MACROD2: variants seen among roughly 807,000 people sequenced by gnomAD.
The protein encoded by MACROD2 is mono-ADP ribosylhydrolase 2.
In MACROD2, 36 loss-of-function variants were observed where a neutral mutation model predicts 70.4. The observed-to-expected ratio is 0.51, with a 90% confidence interval of 0.39 to 0.68. The LOEUF is 0.68. Among genes scored for constraint, MACROD2 ranks in the 30% least tolerant of loss-of-function variants. MACROD2 has a pLI of 0.00. For missense variants in MACROD2, 496 were observed against 538.4 expected (o/e 0.92, Z 0.78); for synonymous variants, 172 against 178.8 (o/e 0.96, Z 0.30).
In MACROD2 at chr20:15,874,553, T is replaced by A. The variant is rs895685218; in HGVS notation, c.728-11211T>A. ...CCAACAGTGTAAAAGCGTTCCTATTTCTCCACATCCTCTCCAGCGTCTGTT... is the reference window on the plus strand; with the variant it reads ...CCAACAGTGTAAAAGCGTTCCTATTACTCCACATCCTCTCCAGCGTCTGTT... On this transcript the variant is annotated intron_variant, in intron 9 of 17. Transcript: ENST00000684519. 2.0e-5 allele frequency among the ~76,000 whole-genome samples: 3 copies of A among 152,252 alleles called. No individual in the cohort carries two copies. The East Asian group carries it at 5.8e-4, about 29-fold the overall frequency.
chr20:14,801,752 A>G (rs1159639837), intron 5 of MACROD2, among the ~76,000 whole-genome samples: 1 of 152,026 alleles, frequency 6.6e-6, no homozygotes, highest in Non-Finnish European at 1.5e-5. Context: ...ATGATCTCTA[A>G]TAGCCATTCC....
rs889966745 is a variant in MACROD2, at chr20:16,040,241, A to G, written c.1154-960A>G. Among the ~76,000 whole-genome samples the G allele has an allele frequency of 1.2e-3, 178 of 151,978 alleles. 1 individual carries two copies. Among genetic ancestry groups the G allele is most frequent in the African/African-American group, 4.0e-3 (165 of 41,482 alleles). ...CACCATTACCAAGAGTACAAATTCTACCTCTGAAGATCTCTTCCTTTGTAG... is the reference window on the plus strand; with the variant it reads ...CACCATTACCAAGAGTACAAATTCTGCCTCTGAAGATCTCTTCCTTTGTAG... On this transcript the variant is annotated intron_variant, in intron 15 of 17. Coordinates refer to ENST00000684519, the MANE Select transcript of MACROD2 (RefSeq NM_001351661.2).
In MACROD2 at chr20:15,731,313, T is replaced by G. The variant is rs1468407071; in HGVS notation, c.646-131432T>G. On this transcript the variant is annotated intron_variant, in intron 8 of 17. Coordinates refer to ENST00000684519, the MANE Select transcript of MACROD2 (RefSeq NM_001351661.2). Reference sequence around the variant, plus strand: ...TTCTTTCTCATGTGTGTGAGCTTATTTTCCTTAAATCTTTGAAATTTCTGT... The same window carrying G: ...TTCTTTCTCATGTGTGTGAGCTTATGTTCCTTAAATCTTTGAAATTTCTGT... 3.4e-5 allele frequency among the ~76,000 whole-genome samples: 2 copies of G among 58,478 alleles called. 1 individual carries two copies. The highest frequency in any genetic ancestry group is 9.7e-5 in the Non-Finnish European group (2 of 20,710). The allele number at this position is 58,478 out of a possible 152,430, so 38.4% of individuals were successfully genotyped here.
At chr20:14,100,168 C>G (rs769546574) in intron 3 of MACROD2, among the ~76,000 whole-genome samples, 1 of 150,954 alleles carries the variant, frequency 6.6e-6, no homozygotes, top group Non-Finnish European at 1.5e-5. Flanking sequence ...TATGGGAAGA[C>G]AAAGGGAAAA....
At chr20:14,916,299 A>G (rs1218975079) in intron 5 of MACROD2, among the ~76,000 whole-genome samples, 4 of 152,152 alleles carry the variant, frequency 2.6e-5, no homozygotes. Context: ...AGTCCTGACA[A>G]AATTAAAGGG....
intron 4 of MACROD2, among the ~76,000 whole-genome samples, chr20:14,619,191 C>T (rs1481259330): frequency 6.6e-6 from 1 of 151,828 alleles, no homozygotes; most frequent in African/African-American, 2.4e-5. Flanking sequence ...TATTTTGTCT[C>T]AGGAGCCTTT....
At chr20:14,862,005 TTATA>T (rs369595827) in intron 5 of MACROD2, among the ~76,000 whole-genome samples, 4 of 11,788 alleles carry the variant, frequency 3.4e-4, no homozygotes, top group Admixed American at 1.3e-3. Flanking sequence ...ATATATATAT[TTATA>T]TATATATATT....
At chr20:14,169,223 A>T (rs2081196940) in intron 3 of MACROD2, among the ~76,000 whole-genome samples, 1 of 152,040 alleles carries the variant, frequency 6.6e-6, no homozygotes, top group South Asian at 2.1e-4. Flanking sequence ...GGAACATGAC[A>T]GGGGAAACAA....
At chr20:15,862,891 A>G (rs1447322363) in intron 9 of MACROD2, 65 bp downstream of exon 9, 1 of 1,198,576 alleles carries the variant, frequency 8.3e-7, no homozygotes, top group East Asian at 2.4e-5. Context: ...CGTCACTTCT[A>G]TTCCTATTGT....
At chr20:14,002,526 G>A (rs554015285) in intron 2 of MACROD2, 122 bp downstream of exon 2, 3 of 617,084 alleles carry the variant, frequency 4.9e-6, no homozygotes, top group Non-Finnish European at 8.4e-6. Context: ...ATTATTGTTT[G>A]GTTGTGATTT....
intron 8 of MACROD2, among the ~76,000 whole-genome samples, chr20:15,537,729 C>T (rs774616687): frequency 2.3e-4 from 35 of 152,224 alleles, no homozygotes; most frequent in Non-Finnish European, 4.6e-4. Flanking sequence ...CCACCTTGGC[C>T]TCCCAAAGTG....
chr20:14,877,037 T>C (rs2073558679), intron 5 of MACROD2, among the ~76,000 whole-genome samples: 1 of 151,904 alleles, frequency 6.6e-6, no homozygotes, highest in Non-Finnish European at 1.5e-5. Flanking sequence ...GCAGTGACTG[T>C]GTTTGGGCAG....
intron 3 of MACROD2, among the ~76,000 whole-genome samples, chr20:14,433,829 C>A (rs1240781198): frequency 1.3e-5 from 2 of 151,570 alleles, no homozygotes; most frequent in Non-Finnish European, 2.9e-5. Flanking sequence ...GAAAGCAATT[C>A]CCAGAGGATT....
In MACROD2 at chr20:15,835,956, C is replaced by T. The variant is rs561887483; in HGVS notation, c.646-26789C>T. On this transcript the variant is annotated intron_variant, in intron 8 of 17. Transcript: ENST00000684519. ...TCAAATGCCAGTTTATCTCCCTTCCCTCCACAATCTGCTCTGTTTCTAAGA... is the reference window on the plus strand; with the variant it reads ...TCAAATGCCAGTTTATCTCCCTTCCTTCCACAATCTGCTCTGTTTCTAAGA... Among the ~76,000 whole-genome samples the T allele has an allele frequency of 7.9e-5, 12 of 152,302 alleles. No individual in the cohort carries two copies. In the South Asian group the frequency reaches 2.1e-3, roughly 26 times the overall value.
chr20:14,664,646 A>C (rs772598643), intron 4 of MACROD2, among the ~76,000 whole-genome samples: 5 of 152,040 alleles, frequency 3.3e-5, no homozygotes, highest in Non-Finnish European at 7.4e-5. Context: ...CCTCAAAACC[A>C]ACACCAGTGC....
intron 3 of MACROD2, among the ~76,000 whole-genome samples, chr20:14,093,324 C>A (rs1006420250): frequency 4.6e-5 from 7 of 151,992 alleles, no homozygotes; most frequent in African/African-American, 1.7e-4. Flanking sequence ...TAGCTTCAAG[C>A]GATCCTACTA....
intron 8 of MACROD2, among the ~76,000 whole-genome samples, chr20:15,575,196 G>A (rs56230743): frequency 0.033 from 5,014 of 152,046 alleles, 180 homozygotes; most frequent in East Asian, 0.093. Flanking sequence ...TTCTTGCAAG[G>A]TTTGCTTTCA....
At chr20:14,834,290 G>A (rs1300110638) in intron 5 of MACROD2, among the ~76,000 whole-genome samples, 1 of 151,304 alleles carries the variant, frequency 6.6e-6, no homozygotes, top group Admixed American at 6.6e-5. Flanking sequence ...AAACTTCAGA[G>A]GAAACACTAG....
chr20:14,651,740 C>G (rs1600500460), intron 4 of MACROD2, among the ~76,000 whole-genome samples: 2 of 152,314 alleles, frequency 1.3e-5, no homozygotes, highest in African/African-American at 4.8e-5. Flanking sequence ...TTTGGCTTCA[C>G]TTGTCTCCAC....
Sources: gnomAD v4.1 joint callset for allele counts (sites outside exome capture counted in the v4.1 genomes callset) on GRCh38, gnomAD v4.1.1 for gene constraint, MANE v1.5 for transcripts, NCBI Gene and HGNC (gene_info 2026-07-23, HGNC 2026-07-21) for gene names.